Variants in PRAM1 observed in about 807,000 individuals in gnomAD.
The protein encoded by PRAM1 is PML-RARA-regulated adapter molecule 1.
A neutral mutation model predicts 55.3 loss-of-function variants in PRAM1; 41 were observed. The observed-to-expected ratio is 0.74, with a 90% CI of 0.58 to 0.96. The LOEUF (loss-of-function observed/expected upper bound fraction) is 0.96, where lower values mean the gene tolerates loss of function less well. Ranked by LOEUF, PRAM1 falls within the 40% of genes least tolerant of loss-of-function variation. PRAM1 has a pLI of 0.00. For missense variants in PRAM1, 898 were observed against 892.7 expected (o/e 1.01, Z -0.08); for synonymous variants, 401 against 387.1 (o/e 1.04, Z -0.42).
chr19:8,495,576 T>C (rs1971688804), intron 4 of PRAM1, among the ~76,000 whole-genome samples: 1 of 152,084 alleles, frequency 6.6e-6, no homozygotes, highest in Admixed American at 6.6e-5. Context: ...TGCATTGCCT[T>C]ACTGCCCTGT....
intron 1 of PRAM1, 70 bp downstream of exon 1, chr19:8,502,495 C>G (rs1449529963): frequency 1.1e-6 from 1 of 872,556 alleles, no homozygotes; most frequent in Non-Finnish European, 1.7e-6. Context: ...CAGGTGGATC[C>G]TATCCTTCTG....
intron 4 of PRAM1, among the ~76,000 whole-genome samples, chr19:8,494,636 CT>C (rs34294924): frequency 4.7e-4 from 66 of 141,792 alleles, no homozygotes; most frequent in Admixed American, 6.4e-4. Context: ...ATTTTTTTTT[CT>C]TTTTTTTTTT....
chr19:8,491,508 C>A (rs1337501911), intron 4 of PRAM1: 5 of 377,586 alleles, frequency 1.3e-5, no homozygotes, highest in Non-Finnish European at 2.5e-5. Context: ...GCTGGGATTA[C>A]AGGCGTGAGC....
In PRAM1 at chr19:8,490,416, TC is replaced by T. The variant is rs773815153; in HGVS notation, c.1941-45del. Reference sequence around the variant, plus strand: ...GTCAGCAAGGGGCACCGTGGCCCATTCCCCCCACCCTGCACCACACACCCCG... The same window carrying T: ...GTCAGCAAGGGGCACCGTGGCCCATTCCCCCACCCTGCACCACACACCCCG... On this transcript the variant is annotated intron_variant, in intron 8 of 9. Coordinates refer to ENST00000423345, the MANE Select transcript of PRAM1 (RefSeq NM_032152.5). This position sits in a 1 kb window ranked among gnomAD's most constrained non-coding sequence, Gnocchi z 7.3. 4 of 1,613,194 alleles carry T rather than the reference TC, an allele frequency of 2.5e-6. No individual in the cohort carries two copies. Among genetic ancestry groups the T allele is most frequent in the South Asian group, 1.1e-5 (1 of 91,044 alleles).
chr19:8,495,611 G>T (rs1163489604), intron 4 of PRAM1, among the ~76,000 whole-genome samples: 1 of 152,214 alleles, frequency 6.6e-6, no homozygotes, highest in Non-Finnish European at 1.5e-5. Context: ...GGAGGGTACG[G>T]ATTTAGGGAC....
Position 8,490,611 on chromosome 19 carries a change from C to T in PRAM1, c.1889G>A (p.Arg630Gln), listed in dbSNP as rs769467392. The T allele has an allele frequency of 1.1e-5, 18 of 1,584,248 alleles. No individual in the cohort carries two copies. The highest frequency in any genetic ancestry group is 2.3e-5 in the East Asian group (1 of 43,094). ...EFTSNEEMLCRDPKGKYGYVP... is the reference protein window; with the variant it reads ...EFTSNEEMLCQDPKGKYGYVP... ...GCACTCACATTTGCCTTTGGGGTCC[C>T]GGCACAGCATCTCCTCATTGCTGGT... The change falls in exon 7 of 10, where the codon CGG (arginine) becomes CAG (glutamine). Residue 630 changes from arginine (R) to glutamine (Q), a missense_variant. Physicochemically the swap from Arg to Gln is conservative, Grantham distance 43 (BLOSUM62 1). This residue lies in a region of PRAM1 where 787 missense variants were observed against 735.4 expected (regional missense o/e 1.07). Transcript: ENST00000423345. This position sits in a 1 kb window ranked among gnomAD's most constrained non-coding sequence, Gnocchi z 7.3.
intron 4 of PRAM1, among the ~76,000 whole-genome samples, chr19:8,494,636 CTTTTTT>C (rs34294924): frequency 7.1e-6 from 1 of 141,808 alleles, no homozygotes; most frequent in South Asian, 2.2e-4. Context: ...ATTTTTTTTT[CTTTTTT>C]TTTTTTTGAG....
chr19:8,499,869 C>T (rs1379855151), intron 1 of PRAM1, 89 bp from the exon 2 acceptor site: 2 of 1,127,822 alleles, frequency 1.8e-6, no homozygotes, highest in South Asian at 1.6e-5. Flanking sequence ...GCACAGCCCA[C>T]AACCACCACC....
chr19:8,497,247 C>T (rs1275597846), intron 4 of PRAM1, among the ~76,000 whole-genome samples: 1 of 149,946 alleles, frequency 6.7e-6, no homozygotes, highest in Non-Finnish European at 1.5e-5. Context: ...CACAGCCTCA[C>T]TGCAGTCTGC....
In PRAM1 at chr19:8,494,362, G is replaced by A. The variant is rs570567911; in HGVS notation, c.1577-3205C>T. Among the ~76,000 whole-genome samples, 12 of 152,328 alleles carry A rather than the reference G, an allele frequency of 7.9e-5. No individual in the cohort carries two copies. In the East Asian group the frequency reaches 2.3e-3, roughly 29 times the overall value. On this transcript the variant is annotated intron_variant, in intron 4 of 9. Transcript: ENST00000423345. ...GTGGCCCCCAGACCCAAGCCACAGA[G>A]CCTCCCCTAGAGCGGAAGCAGAAGG...
In PRAM1 at chr19:8,490,668, C is replaced by A. The variant is rs1268936829; in HGVS notation, c.1832G>T (p.Arg611Leu). 6.3e-7 allele frequency: 1 copy of A among 1,595,254 alleles called. No individual in the cohort carries two copies. Among genetic ancestry groups the A allele is most frequent in the Non-Finnish European group, 8.5e-7 (1 of 1,170,978 alleles). Residue 611 changes from arginine to leucine, a missense_variant, in exon 7 of 10, where the codon CGG (arginine) becomes CTG (leucine). Coordinates refer to ENST00000423345, the MANE Select transcript of PRAM1 (RefSeq NM_032152.5). This position sits in a 1 kb window ranked among gnomAD's most constrained non-coding sequence, Gnocchi z 7.3. ...RRGGGKHLGIRRGEILEVIEF... is the reference protein window; with the variant it reads ...RRGGGKHLGILRGEILEVIEF... ...GATCACCTCCAGGATCTCCCCGCGCCGGATCCCGAGGTGCTTGCCACCCCC... is the reference window on the plus strand; with the variant it reads ...GATCACCTCCAGGATCTCCCCGCGCAGGATCCCGAGGTGCTTGCCACCCCC...
intron 3 of PRAM1, 86 bp downstream of exon 3, chr19:8,498,137 C>T: frequency 2.1e-6 from 3 of 1,417,058 alleles, no homozygotes; most frequent in Non-Finnish European, 2.9e-6. Flanking sequence ...ACTTCAGCCT[C>T]CCGAAGTTCT....
rs370926771 is a variant in PRAM1, at chr19:8,497,843, G to A, written c.1500-3C>T. The A allele has an allele frequency of 6.3e-6, 10 of 1,576,386 alleles. No individual in the cohort carries two copies. In the African/African-American group the frequency reaches 1.2e-4, roughly 20 times the overall value. On this transcript the variant is annotated splice_polypyrimidine_tract_variant and splice_region_variant and intron_variant, in intron 3 of 9. Transcript: ENST00000423345. The stretch of plus-strand genomic sequence containing the variant: ...GCTCGTAGATCTCATCTGGGACCCT[G>A]CGGGGATACCTGAGATGAGGCCTCT...
At position 8,498,424 on chromosome 19, in the gene PRAM1, C is replaced by T. The variant is rs1284293633; in HGVS notation, c.1384G>A (p.Gly462Arg). ...HPPAKPPLPP[G>R]PVDMQSFRRP... ...CGAAAGCTCTGCATATCCACGGGCC[C>T]CGGGGGCAGCGGGGGCTTGGCTGGA... Residue 462 changes from glycine (G) to arginine (R), a missense_variant, in exon 2 of 10, where the codon GGG becomes AGG. By Grantham distance (125) the Gly-to-Arg change is moderately radical (BLOSUM62 -2). Coordinates refer to ENST00000423345, the MANE Select transcript of PRAM1 (RefSeq NM_032152.5). 1 of 1,579,788 alleles carries T rather than the reference C, an allele frequency of 6.3e-7. No homozygotes were observed. The highest frequency in any genetic ancestry group is 8.6e-7 in the Non-Finnish European group (1 of 1,161,800).
At chr19:8,497,870 CTTTTTTTTT>C (rs58671333) in intron 3 of PRAM1, 30 bp from the exon 4 acceptor site, 173 of 359,040 alleles carry the variant, frequency 4.8e-4, no homozygotes, top group Middle Eastern at 4.2e-3. Context: ...GAGGCCTCTT[CTTTTTTTTT>C]TTTTTTTTTT....
At chr19:8,502,464 G>GGGCCCCC in intron 1 of PRAM1, 101 bp downstream of exon 1, 8 of 216,456 alleles carry the variant, frequency 3.7e-5, no homozygotes, top group East Asian at 1.5e-4. Flanking sequence ...GCCACCCCCC[G>GGGCCCCC]CCCCCCCGCC....
At chr19:8,502,446 C>G in intron 1 of PRAM1, 119 bp downstream of exon 1, 1 of 1,010,622 alleles carries the variant, frequency 9.9e-7, no homozygotes, top group Non-Finnish European at 1.5e-6. Flanking sequence ...TCCCAGATGT[C>G]TTTCGCAGCC....
rs549903567 is a variant in PRAM1, at chr19:8,500,020, C to T, written c.28-240G>A. Among the ~76,000 whole-genome samples, 11 of 152,072 alleles carry T rather than the reference C, an allele frequency of 7.2e-5. No homozygotes were observed. In the East Asian group the frequency reaches 7.8e-4, roughly 11 times the overall value. ...CCTCCTCTAGCAGCACTGGAGATCC[C>T]GACATCCCTCCTGCAGCCTCCAGTC... is the stretch of plus-strand genomic sequence containing the variant. On this transcript the variant is annotated intron_variant, in intron 1 of 9. Transcript: ENST00000423345.
chr19:8,499,697 C>A lies in PRAM1; in HGVS notation c.111G>T (p.Pro37=). 1 of 1,613,754 alleles carries A rather than the reference C, an allele frequency of 6.2e-7. No homozygotes were observed. Among genetic ancestry groups the A allele is most frequent in the Non-Finnish European group, 8.5e-7 (1 of 1,179,828 alleles). ...TCTTCAGTTTACCAAACTCAGGCTT[C>A]GGAGGTTTTTTGGGCAGGTCGCTGG... ...PEPSDLPKKP[P]KPEFGKLKKF... The change falls in exon 2 of 10, where the codon CCG becomes CCT. Residue 37 remains proline, a synonymous_variant. Transcript: ENST00000423345.
Sources: allele counts gnomAD v4.1 joint callset (sites outside exome capture counted in the v4.1 genomes callset), GRCh38; gene constraint gnomAD v4.1.1; regional missense constraint gnomAD v4.1.1; non-coding constraint Gnocchi (gnomAD v3.1); transcripts MANE v1.5; gene names NCBI Gene and HGNC (gene_info 2026-07-23, HGNC 2026-07-21).